The following TFCP2 variants were observed in gnomAD, a reference collection of about 807,000 sequenced individuals.
The protein encoded by TFCP2 is alpha-globin transcription factor CP2.
A neutral mutation model predicts 73.4 loss-of-function variants in TFCP2; 33 were observed. The observed-to-expected ratio is 0.45, with a 90% CI of 0.34 to 0.60. TFCP2 has a LOEUF of 0.60. TFCP2 is among the 20% of genes least tolerant of loss of function. The probability of loss-of-function intolerance (pLI) is 0.01; values close to 1 mark genes in which losing one functional copy is unlikely to be tolerated. For synonymous variants in TFCP2, 193 were observed against 211.6 expected, an observed-to-expected ratio of 0.91 and a Z score of 0.76; for missense variants, 352 against 604.0, an observed-to-expected ratio of 0.58 and a Z score of 4.37.
Position 51,106,921 on chromosome 12 carries a change from C to T in TFCP2, c.829-308G>A, listed in dbSNP as rs79903681. 2.2e-3 allele frequency: 1,116 copies of T among 504,280 alleles called. 11 individuals are homozygous for T. Among genetic ancestry groups the T allele is most frequent in the African/African-American group, 0.02 (1,004 of 50,568 alleles). 31.2% of individuals were successfully genotyped at this position (504,280 alleles called of 1,614,324 possible). ...TTCCTAAAATTGAAGGTGGTTTATG[C>T]CCAAGATGAAACTGAATTCTATTTG... is the stretch of plus-strand genomic sequence containing the variant. On this transcript the variant is annotated intron_variant, in intron 7 of 14. Coordinates refer to ENST00000257915, the MANE Select transcript of TFCP2 (RefSeq NM_005653.5).
At chr12:51,156,441 G>A (rs1037256935) in intron 1 of TFCP2, among the ~76,000 whole-genome samples, 1 of 152,044 alleles carries the variant, frequency 6.6e-6, no homozygotes, top group African/African-American at 2.4e-5. Context: ...AGCCATTCCT[G>A]AGGGATAAAC....
At chr12:51,161,359 G>C (rs1941644134) in intron 1 of TFCP2, among the ~76,000 whole-genome samples, 3 of 151,580 alleles carry the variant, frequency 2.0e-5, no homozygotes, top group Admixed American at 2.0e-4. Context: ...CAAAGAAACA[G>C]GACTATACGG....
At chr12:51,124,200 A>C (rs997134710) in intron 1 of TFCP2, among the ~76,000 whole-genome samples, 1 of 151,588 alleles carries the variant, frequency 6.6e-6, no homozygotes, top group African/African-American at 2.4e-5. Flanking sequence ...GGTTCAAGGG[A>C]TCCTCCAGCC....
chr12:51,169,209 G>C (rs550931716), intron 1 of TFCP2, among the ~76,000 whole-genome samples: 1 of 151,990 alleles, frequency 6.6e-6, no homozygotes. Flanking sequence ...ATGTGTATAA[G>C]TCAAGAGAGC....
At chr12:51,105,512 C>T (rs1940213848) in intron 8 of TFCP2, among the ~76,000 whole-genome samples, 1 of 152,138 alleles carries the variant, frequency 6.6e-6, no homozygotes, top group South Asian at 2.1e-4. Context: ...AATTTTTAAA[C>T]ACAGCTCTTA....
At chr12:51,102,357 T>C (rs1412072460) in intron 10 of TFCP2, among the ~76,000 whole-genome samples, 1 of 151,864 alleles carries the variant, frequency 6.6e-6, no homozygotes, top group African/African-American at 2.4e-5. Context: ...GGTAGGAGGA[T>C]TGTTGAGGCC....
chr12:51,136,339 C>T (rs192925307), intron 1 of TFCP2, among the ~76,000 whole-genome samples: 13 of 151,700 alleles, frequency 8.6e-5, no homozygotes, highest in Non-Finnish European at 1.9e-4. Context: ...AGAAGGTTCC[C>T]TGACGGAGCA....
At chr12:51,114,326 C>A (rs1940467081) in intron 4 of TFCP2, among the ~76,000 whole-genome samples, 1 of 152,188 alleles carries the variant, frequency 6.6e-6, no homozygotes, top group Non-Finnish European at 1.5e-5. Flanking sequence ...AAATGATGGG[C>A]CGGGAGCCTT....
chr12:51,136,302 T>A (rs201571789), intron 1 of TFCP2, among the ~76,000 whole-genome samples: 82 of 136,598 alleles, frequency 6.0e-4, no homozygotes, highest in East Asian at 8.5e-4. Context: ...AGACTCTAAA[T>A]AAAAAAAAAA....
chr12:51,118,795 C>T, intron 1 of TFCP2, 23 bp from the exon 2 acceptor site: 1 of 1,612,072 alleles, frequency 6.2e-7, no homozygotes, highest in Middle Eastern at 1.6e-4. Context: ...AAATGACTCA[C>T]ATTAATACCT....
chr12:51,118,527 C>G (rs897239716), intron 2 of TFCP2, 94 bp downstream of exon 2: 13 of 1,469,152 alleles, frequency 8.8e-6, no homozygotes, highest in Non-Finnish European at 1.0e-5. Context: ...TACACTCCAG[C>G]CTGGGTGACG....
chr12:51,129,669 G>A (rs1157510499), intron 1 of TFCP2, among the ~76,000 whole-genome samples: 2 of 152,122 alleles, frequency 1.3e-5, no homozygotes, highest in Non-Finnish European at 2.9e-5. Context: ...CAATAGCTCA[G>A]GGTTGGATGA....
intron 8 of TFCP2, among the ~76,000 whole-genome samples, 195 bp downstream of exon 8, chr12:51,106,330 A>C (rs1204065981): frequency 6.6e-6 from 1 of 152,216 alleles, no homozygotes; most frequent in East Asian, 1.9e-4. Context: ...GGGAGAACAC[A>C]AAGAGAAGAA....
chr12:51,123,621 C>T (rs1229628788), intron 1 of TFCP2, among the ~76,000 whole-genome samples: 1 of 152,024 alleles, frequency 6.6e-6, no homozygotes, highest in Non-Finnish European at 1.5e-5. Context: ...AAATGGAGGT[C>T]TTGCTATGTT....
In TFCP2 at chr12:51,098,766, A is replaced by G. The variant is rs1246467920; in HGVS notation, c.1419+10T>C. 4.3e-6 allele frequency: 7 copies of G among 1,614,112 alleles called. No individual in the cohort carries two copies. Among genetic ancestry groups the G allele is most frequent in the Non-Finnish European group, 5.9e-6 (7 of 1,179,986 alleles). On this transcript the variant is annotated intron_variant, in intron 13 of 14. Coordinates refer to ENST00000257915, the MANE Select transcript of TFCP2 (RefSeq NM_005653.5). ...ATCATCTGGTAATTCAACTGTACTG[A>G]AAAATCTACCTCATCACTGATGAGC...
intron 1 of TFCP2, among the ~76,000 whole-genome samples, chr12:51,149,295 T>C (rs1419338523): frequency 2.0e-5 from 3 of 151,670 alleles, no homozygotes; most frequent in African/African-American, 7.3e-5. Context: ...AGGTGAGGGG[T>C]AAAAGACTAT....
intron 1 of TFCP2, among the ~76,000 whole-genome samples, chr12:51,150,503 G>T (rs531659864): frequency 6.6e-6 from 1 of 152,032 alleles, no homozygotes; most frequent in Middle Eastern, 3.4e-3. Flanking sequence ...AATGGATAAC[G>T]TTTGCAGCAA....
chr12:51,128,254 T>C (rs1039081725), intron 1 of TFCP2, among the ~76,000 whole-genome samples: 12 of 152,030 alleles, frequency 7.9e-5, no homozygotes, highest in Middle Eastern at 3.2e-3. Context: ...GGAGAATATA[T>C]TCCCCGTACC....
In TFCP2 at chr12:51,132,357, C is replaced by CTTTTTTTTTTTTTTTT. The variant is rs869123355; in HGVS notation, c.123-13601_123-13586dup. Among the ~76,000 whole-genome samples, 15 of 61,788 alleles carry CTTTTTTTTTTTTTTTT rather than the reference C, an allele frequency of 2.4e-4. 6 individuals carry two copies. The highest frequency in any genetic ancestry group is 2.7e-4 in the Non-Finnish European group (9 of 33,946). 40.5% of individuals were successfully genotyped at this position (61,788 alleles called of 152,430 possible). A position where few individuals can be genotyped will look rare whatever the true frequency, so the allele number is the denominator to read the frequency against. Reference sequence around the variant, plus strand: ...TGCAAGTTCTGGTTTAGGGATTAGTCTTTTTTTTTTTTTTTTTTTTTTTTT... The same window carrying CTTTTTTTTTTTTTTTT: ...TGCAAGTTCTGGTTTAGGGATTAGTCTTTTTTTTTTTTTTTTTTTTTTTTTTTTTTTTTTTTTTTTT... On this transcript the variant is annotated intron_variant, in intron 1 of 14. Transcript: ENST00000257915.
Sources: allele counts gnomAD v4.1 joint callset (sites outside exome capture counted in the v4.1 genomes callset), GRCh38; gene constraint gnomAD v4.1.1; transcripts MANE v1.5; gene names NCBI Gene and HGNC (gene_info 2026-07-23, HGNC 2026-07-21).